Variants in TMEM17 observed in about 807,000 individuals in gnomAD.
The protein encoded by TMEM17 is transmembrane protein 17.
TMEM17 carries 15 observed loss-of-function variants against 19.1 expected under a neutral mutation model. The ratio of observed to expected loss-of-function variants is 0.78; its 90% CI spans 0.52 to 1.21. The LOEUF is 1.21. TMEM17 is among the 50% of genes most tolerant of loss of function. The pLI is 0.00. For synonymous variants in TMEM17, 103 were observed against 86.9 expected (o/e 1.19, Z -1.03); for missense variants, 245 against 242.3 (o/e 1.01, Z -0.07).
the TMEM17 span, among the ~76,000 whole-genome samples, chr2:62,469,896 G>C: frequency 1.3e-5 from 2 of 152,212 alleles, no homozygotes; most frequent in African/African-American, 4.8e-5. Context: ...GTTTGTCTCA[G>C]GTTGTCTGAT....
At chr2:62,498,695 G>A (rs1162165142), downstream of TMEM17, among the ~76,000 whole-genome samples, 3 of 142,262 alleles carry the variant, frequency 2.1e-5, no homozygotes, top group South Asian at 4.3e-4. Context: ...CAGCCTGGGC[G>A]ACAGAGCGAG....
At position 62,501,499 on chromosome 2, in the gene TMEM17, C is replaced by A. The variant is rs748050462; in HGVS notation, c.319-12G>T. Reference sequence around the variant, plus strand: ...GCCAACTCAGGAACCTGCAATGACACATATCAAGAGTAATAAAAATCAGTA... The same window carrying A: ...GCCAACTCAGGAACCTGCAATGACAAATATCAAGAGTAATAAAAATCAGTA... On this transcript the variant is annotated splice_polypyrimidine_tract_variant and intron_variant, in intron 3 of 3. Transcript: ENST00000335390. 1 of 1,605,498 alleles carries A rather than the reference C, an allele frequency of 6.2e-7. No individual in the cohort carries two copies. The highest frequency in any genetic ancestry group is 1.7e-5 in the Admixed American group (1 of 58,230).
At chr2:62,476,659 A>G in the TMEM17 span, among the ~76,000 whole-genome samples, 1 of 152,218 alleles carries the variant, frequency 6.6e-6, no homozygotes, top group Admixed American at 6.5e-5. Context: ...ATTAAAAGAG[A>G]TGGAAAAGAA....
At chr2:62,458,195 C>A in the TMEM17 span, among the ~76,000 whole-genome samples, 8 of 152,196 alleles carry the variant, frequency 5.3e-5, no homozygotes, top group Admixed American at 3.9e-4. Context: ...CTTTTAAAAT[C>A]CCATCTCTTA....
At chr2:62,490,681 G>A in the TMEM17 span, among the ~76,000 whole-genome samples, 2 of 152,202 alleles carry the variant, frequency 1.3e-5, no homozygotes, top group Non-Finnish European at 2.9e-5. Flanking sequence ...GAGTCAAGAA[G>A]TTACAAGTTT....
chr2:62,456,885 G>A, the TMEM17 span, among the ~76,000 whole-genome samples: 6 of 152,384 alleles, frequency 3.9e-5, no homozygotes, highest in East Asian at 1.2e-3. Context: ...AGCTAGCACT[G>A]TTACCAGGGT....
chr2:62,499,417 A>G (rs1679862275), downstream of TMEM17, among the ~76,000 whole-genome samples: 1 of 152,232 alleles, frequency 6.6e-6, no homozygotes, highest in Admixed American at 6.5e-5. Context: ...GCAAACAAAT[A>G]TGTTTTAGAC....
the TMEM17 span, among the ~76,000 whole-genome samples, chr2:62,466,254 T>G: frequency 0.9 from 136,610 of 152,056 alleles, 61,587 homozygotes; most frequent in East Asian, 0.98. Flanking sequence ...GGGGGAGGGG[T>G]TCTGTGGCTG....
chr2:62,479,198 A>C, the TMEM17 span, among the ~76,000 whole-genome samples: 13 of 152,128 alleles, frequency 8.5e-5, no homozygotes, highest in Non-Finnish European at 1.9e-4. Context: ...TCCTTTAACA[A>C]ATCTCTGCTT....
intron 3 of TMEM17, 124 bp from the exon 4 acceptor site, chr2:62,501,611 G>C: frequency 4.3e-6 from 4 of 922,342 alleles, no homozygotes; most frequent in Non-Finnish European, 6.4e-6. Context: ...TTCCAAAGGA[G>C]GATGACATGG....
At chr2:62,494,970 G>T in the TMEM17 span, among the ~76,000 whole-genome samples, 2 of 152,148 alleles carry the variant, frequency 1.3e-5, no homozygotes, top group South Asian at 2.1e-4. Flanking sequence ...AGCCAAGATC[G>T]TGCCACTGCA....
At chr2:62,488,873 T>TA in the TMEM17 span, among the ~76,000 whole-genome samples, 58 of 146,256 alleles carry the variant, frequency 4.0e-4, no homozygotes, top group East Asian at 2.0e-3. Context: ...GGGTCAGATT[T>TA]AAAAAAAAAG....
chr2:62,491,330 G>A, the TMEM17 span: 1 of 152,092 alleles, frequency 6.6e-6, no homozygotes, highest in African/African-American at 2.4e-5. Flanking sequence ...TTCTGGGAGT[G>A]GGAGACCACC....
chr2:62,460,001 A>G, the TMEM17 span, among the ~76,000 whole-genome samples: 6 of 152,366 alleles, frequency 3.9e-5, no homozygotes, highest in East Asian at 1.2e-3. Context: ...TTATGCAAGC[A>G]AAGTAAGGTA....
the TMEM17 span, among the ~76,000 whole-genome samples, chr2:62,493,225 A>G: frequency 6.6e-6 from 1 of 151,986 alleles, no homozygotes; most frequent in African/African-American, 2.4e-5. Context: ...ACAGGGCATC[A>G]CTATGTTGCC....
chr2:62,499,183 T>C (rs1679855829), downstream of TMEM17, among the ~76,000 whole-genome samples: 1 of 152,196 alleles, frequency 6.6e-6, no homozygotes, highest in Non-Finnish European at 1.5e-5. Flanking sequence ...TCAAACTTTT[T>C]ACAGTTTAAA....
chr2:62,484,131 A>G, the TMEM17 span, among the ~76,000 whole-genome samples: 303 of 152,304 alleles, frequency 2.0e-3, 1 homozygote, highest in African/African-American at 6.9e-3. Context: ...GCATTTTTCA[A>G]AGTTTCATTT....
chr2:62,502,718 C>A lies in TMEM17; in HGVS notation c.177G>T (p.Val59=). The stretch of plus-strand genomic sequence containing the variant: ...TCATGTGAAGCATCATAATGCTGCT[C>A]ACCCACCACAGTGGGAAATAGTAGG... The part of the protein sequence containing the change: ...FNTYYFPLWW[V]SSIMMLHMKY... The change falls in exon 2 of 4, where the codon GTG becomes GTT. Residue 59 remains valine, a synonymous_variant. Transcript: ENST00000335390. The A allele has an allele frequency of 6.2e-7, 1 of 1,608,982 alleles. No homozygotes were observed. The highest frequency in any genetic ancestry group is 1.1e-5 in the South Asian group (1 of 89,766).
the TMEM17 span, among the ~76,000 whole-genome samples, chr2:62,484,785 T>TACTCCTGTTTTC: frequency 6.6e-6 from 1 of 152,350 alleles, no homozygotes; most frequent in South Asian, 2.1e-4. Flanking sequence ...ATCCTGTTTT[T>TACTCCTGTTTTC]ACTCCTGTTT....
Sources: gnomAD v4.1 joint callset for allele counts (sites outside exome capture counted in the v4.1 genomes callset) on GRCh38, gnomAD v4.1.1 for gene constraint, MANE v1.5 for transcripts, NCBI Gene and HGNC (gene_info 2026-07-23, HGNC 2026-07-21) for gene names.